The following STRN4 variants were observed in gnomAD, a reference collection of about 807,000 sequenced individuals.
The protein encoded by STRN4 is striatin 4, also known as striatin-4.
In STRN4, 27 loss-of-function variants were observed where a neutral mutation model predicts 77.9. The ratio of observed to expected loss-of-function variants is 0.35; its 90% CI spans 0.26 to 0.48. The LOEUF (loss-of-function observed/expected upper bound fraction) is 0.48, where lower values mean the gene tolerates loss of function less well. STRN4 is among the 20% of genes least tolerant of loss of function. The pLI is 0.99. For missense variants in STRN4, 798 were observed against 1,049.7 expected (o/e 0.76, Z 3.31); for synonymous variants, 466 against 443.1 (o/e 1.05, Z -0.65).
In STRN4 at chr19:46,723,029, G is replaced by A; in HGVS notation, c.1766-79C>T. On this transcript the variant is annotated intron_variant, in intron 13 of 17. Coordinates refer to ENST00000263280, the MANE Select transcript of STRN4 (RefSeq NM_013403.3). This position sits in a 1 kb window ranked among gnomAD's most constrained non-coding sequence, Gnocchi z 5.5. Reference sequence around the variant, plus strand: ...CCCCAGGGTGGGGGACAGTGGGTGGGAGGCCTGGGGCCTCAGCAGGAACCA... The same window carrying A: ...CCCCAGGGTGGGGGACAGTGGGTGGAAGGCCTGGGGCCTCAGCAGGAACCA... The A allele has an allele frequency of 1.3e-6, 2 of 1,594,024 alleles. No homozygotes were observed. Among genetic ancestry groups the A allele is most frequent in the African/African-American group, 1.3e-5 (1 of 74,660 alleles).
At chr19:46,740,630 G>A (rs2054456684) in intron 1 of STRN4, among the ~76,000 whole-genome samples, 1 of 151,782 alleles carries the variant, frequency 6.6e-6, no homozygotes, top group Non-Finnish European at 1.5e-5. Flanking sequence ...CAACCTCCCA[G>A]GGGCAGTTCA....
At position 46,733,504 on chromosome 19, in the gene STRN4, C is replaced by T. The variant is rs75860908; in HGVS notation, c.540-268G>A. 7.9e-4 allele frequency: 349 copies of T among 443,004 alleles called. 3 individuals carry two copies. The highest frequency in any genetic ancestry group is 6.3e-3 in the African/African-American group (315 of 50,310). 27.4% of individuals were successfully genotyped at this position (443,004 alleles called of 1,614,324 possible). A position where few individuals can be genotyped will look rare whatever the true frequency, so the allele number is the denominator to read the frequency against. ...CACAGGGACCAGCCTCAGCACCCACCGACAGGGGCTGTGTCAGCAAATGAC... is the reference window on the plus strand; with the variant it reads ...CACAGGGACCAGCCTCAGCACCCACTGACAGGGGCTGTGTCAGCAAATGAC... On this transcript the variant is annotated intron_variant, in intron 4 of 17. Transcript: ENST00000263280. The surrounding 1 kb of genome is among the most constrained non-coding windows in gnomAD (Gnocchi z 4.3).
At chr19:46,728,961 C>G (rs2122279339) in intron 6 of STRN4, 184 bp from the exon 7 acceptor site, 1 of 784,312 alleles carries the variant, frequency 1.3e-6, no homozygotes, top group East Asian at 2.8e-5. Flanking sequence ...ACCACTAGGG[C>G]CGGTCGGCCT....
chr19:46,737,925 G>A (rs574835168), intron 3 of STRN4, among the ~76,000 whole-genome samples: 47 of 152,246 alleles, frequency 3.1e-4, no homozygotes, highest in Non-Finnish European at 5.4e-4. Context: ...TGAGCTGCTC[G>A]TGTGTCTGCC....
chr19:46,739,174 G>A, intron 1 of STRN4: 1 of 428,558 alleles, frequency 2.3e-6, no homozygotes, highest in South Asian at 2.3e-5. Flanking sequence ...CCTGGTGGCT[G>A]CCTTTGGGGG....
chr19:46,736,780 A>AACGTGTC (rs765780853), intron 4 of STRN4, 43 bp downstream of exon 4: 1 of 1,597,500 alleles, frequency 6.3e-7, no homozygotes, highest in South Asian at 1.1e-5. Flanking sequence ...TCTCAAGCCA[A>AACGTGTC]ACGTGTCACG....
chr19:46,728,812 C>A, intron 6 of STRN4, 35 bp from the exon 7 acceptor site: 5 of 1,610,838 alleles, frequency 3.1e-6, no homozygotes, highest in Non-Finnish European at 4.2e-6. Flanking sequence ...AGTCAGGGGG[C>A]CTCTTGTCCA....
chr19:46,739,029 C>T (rs2054425714), intron 1 of STRN4, 141 bp from the exon 2 acceptor site: 1 of 707,260 alleles, frequency 1.4e-6, no homozygotes. Context: ...GCACAAAGAT[C>T]CCAAGCCAGG....
In STRN4 at chr19:46,738,358, T is replaced by C. The variant is rs76278993; in HGVS notation, c.387-121A>G. 810 of 959,070 alleles carry C rather than the reference T, an allele frequency of 8.4e-4. 4 individuals carry two copies. In the African/African-American group the frequency reaches 0.012, roughly 14 times the overall value. The allele number at this position is 959,070 out of a possible 1,614,324, so 59.4% of individuals were successfully genotyped here. On this transcript the variant is annotated intron_variant, in intron 2 of 17. Coordinates refer to ENST00000263280, the MANE Select transcript of STRN4 (RefSeq NM_013403.3). This position sits in a 1 kb window ranked among gnomAD's most constrained non-coding sequence, Gnocchi z 4.5. ...GGGCCTCCCCCAGCTCGTCTACTAC[T>C]GAGGCTGAAGCATCCCCCCACACCC...
At position 46,724,731 on chromosome 19, in the gene STRN4, C is replaced by T; in HGVS notation, c.1594+76G>A. 2.5e-6 allele frequency: 4 copies of T among 1,600,548 alleles called. No homozygotes were observed. In the South Asian group the frequency reaches 3.4e-5, roughly 13 times the overall value. ...GCCTGCAGTGTTGGCAAGAGGTGGA[C>T]GCGACGTGTGTGTGCGTGGAGGGGA... On this transcript the variant is annotated intron_variant, in intron 12 of 17. Coordinates refer to ENST00000263280, the MANE Select transcript of STRN4 (RefSeq NM_013403.3).
In STRN4 at chr19:46,724,788, C is replaced by T; in HGVS notation, c.1594+19G>A. 6.2e-7 allele frequency: 1 copy of T among 1,613,710 alleles called. No individual in the cohort carries two copies. ...GGCCCCAGTGGATGTGAGGGGAAGG[C>T]GGGAGGCGTTGTCCTCACCGTAGCC... On this transcript the variant is annotated intron_variant, in intron 12 of 17. Transcript: ENST00000263280.
intron 4 of STRN4, among the ~76,000 whole-genome samples, chr19:46,734,707 C>T (rs991627307): frequency 1.1e-4 from 16 of 152,200 alleles, no homozygotes; most frequent in African/African-American, 3.9e-4. Context: ...CTCTGTCGCC[C>T]AGGCTGGAGT....
chr19:46,724,818 T>C lies in STRN4; in HGVS notation c.1583A>G (p.Tyr528Cys). Residue 528 changes from tyrosine (Y) to cysteine (C), a missense_variant, in exon 12 of 18, where the codon TAT (tyrosine) becomes TGT (cysteine). Around this residue, in one of 2 missense-constraint regions of STRN4, gnomAD observed 287 missense variants for 473.8 expected, o/e 0.61. Coordinates refer to ENST00000263280, the MANE Select transcript of STRN4 (RefSeq NM_013403.3). Reference sequence around the variant, plus strand: ...GGCGTTGTCCTCACCGTAGCCATCATAGGGATCCATGCTGAGGTCTGGAAT... The same window carrying C: ...GGCGTTGTCCTCACCGTAGCCATCACAGGGATCCATGCTGAGGTCTGGAAT... The part of the protein sequence containing the change: ...WKIPDLSMDP[Y>C]DGYDPSVLSH... 1 of 1,613,980 alleles carries C rather than the reference T, an allele frequency of 6.2e-7. No individual in the cohort carries two copies. The highest frequency in any genetic ancestry group is 8.5e-7 in the Non-Finnish European group (1 of 1,180,020).
At chr19:46,740,362 A>T (rs1209936220) in intron 1 of STRN4, 1 of 151,990 alleles carries the variant, frequency 6.6e-6, no homozygotes, top group South Asian at 2.1e-4. Flanking sequence ...CAAGAATGGG[A>T]AATTTTTTTC....
intron 8 of STRN4, 139 bp downstream of exon 8, chr19:46,727,755 G>T: frequency 1.2e-6 from 1 of 835,374 alleles, no homozygotes; most frequent in South Asian, 1.8e-5. Flanking sequence ...CAGACAGACA[G>T]ACGAACTTTT....
Position 46,746,379 on chromosome 19 carries a change from G to T in STRN4, c.52C>A (p.Arg18Ser), listed in dbSNP as rs1204629776. 10 of 1,127,544 alleles carry T rather than the reference G, an allele frequency of 8.9e-6. No homozygotes were observed. The highest frequency in any genetic ancestry group is 7.6e-6 in the Non-Finnish European group (7 of 922,836). 69.8% of individuals were successfully genotyped at this position (1,127,544 alleles called of 1,614,324 possible). A position where few individuals can be genotyped will look rare whatever the true frequency, so the allele number is the denominator to read the frequency against. ...GGGCCCGCGCCTGAGCCGAGCGGAC[G>T]GCAGGAGGAGGCGGCGGCGGCGACC... ...AAVAAAASSC[R>S]PLGSGAGPGP... Residue 18 changes from arginine (R) to serine (S), a missense_variant, in exon 1 of 18, where the codon CGT becomes AGT. Physicochemically the swap from Arg to Ser is moderately radical, Grantham distance 110 (BLOSUM62 -1). Coordinates refer to ENST00000263280, the MANE Select transcript of STRN4 (RefSeq NM_013403.3).
At position 46,720,582 on chromosome 19, in the gene STRN4, A is replaced by G. The variant is rs750391472; in HGVS notation, c.*20T>C. 8 of 1,535,008 alleles carry G rather than the reference A, an allele frequency of 5.2e-6. No homozygotes were observed. The highest frequency in any genetic ancestry group is 1.9e-5 in the Admixed American group (1 of 52,046). Reference sequence around the variant, plus strand: ...CTACACCCCAGCCAGCGTGGCGGCCAGGGCAGGGCCAGGTGGGCATCATAC... The same window carrying G: ...CTACACCCCAGCCAGCGTGGCGGCCGGGGCAGGGCCAGGTGGGCATCATAC... On this transcript the variant is annotated 3_prime_UTR_variant, in exon 17 of 18. Coordinates refer to ENST00000263280, the MANE Select transcript of STRN4 (RefSeq NM_013403.3).
Position 46,746,332 on chromosome 19 carries a change from C to A in STRN4, c.99G>T (p.Pro33=). ...GAGPGPTGAA[P]VSAPAPGPGP... ...CCGGCCCGGGGGCAGGGGCGGAGAC[C>A]GGGGCCGCCCCAGTGGGGCCAGGGC... The change falls in exon 1 of 18, where the codon CCG becomes CCT. Residue 33 remains proline (P), a synonymous_variant. Coordinates refer to ENST00000263280, the MANE Select transcript of STRN4 (RefSeq NM_013403.3). 1 of 1,287,964 alleles carries A rather than the reference C, an allele frequency of 7.8e-7. No homozygotes were observed. Among genetic ancestry groups the A allele is most frequent in the Non-Finnish European group, 9.8e-7 (1 of 1,024,276 alleles). 79.8% of individuals were successfully genotyped at this position (1,287,964 alleles called of 1,614,324 possible).
In STRN4 at chr19:46,733,278, C is replaced by T; in HGVS notation, c.540-42G>A. 1 of 1,582,078 alleles carries T rather than the reference C, an allele frequency of 6.3e-7. No individual in the cohort carries two copies. Among genetic ancestry groups the T allele is most frequent in the Non-Finnish European group, 8.6e-7 (1 of 1,165,312 alleles). ...CCACGTGGGTCAGACATCCCCTGGG[C>T]TTCTTCATGTACCACAGGGGCCAAT... On this transcript the variant is annotated intron_variant, in intron 4 of 17. Coordinates refer to ENST00000263280, the MANE Select transcript of STRN4 (RefSeq NM_013403.3). The surrounding 1 kb of genome is among the most constrained non-coding windows in gnomAD (Gnocchi z 4.3).
Sources: allele counts gnomAD v4.1 joint callset (sites outside exome capture counted in the v4.1 genomes callset), GRCh38; gene constraint gnomAD v4.1.1; regional missense constraint gnomAD v4.1.1; non-coding constraint Gnocchi (gnomAD v3.1); transcripts MANE v1.5; gene names NCBI Gene and HGNC (gene_info 2026-07-23, HGNC 2026-07-21).